LARP4: variants seen among roughly 807,000 people sequenced by gnomAD.
LARP4 encodes the protein la-related protein 4.
LARP4 carries 29 observed loss-of-function variants against 92.9 expected under a neutral mutation model. The ratio of observed to expected loss-of-function variants is 0.31; its 90% CI spans 0.23 to 0.43. LARP4 has a LOEUF of 0.43. Ranked by LOEUF, LARP4 falls within the 20% of genes least tolerant of loss-of-function variation. The pLI is 1.00. For synonymous variants in LARP4, 279 were observed against 284.1 expected (o/e 0.98, Z 0.18); for missense variants, 732 against 860.0 (o/e 0.85, Z 1.86).
chr12:50,456,182 C>G (rs939092842), intron 10 of LARP4, among the ~76,000 whole-genome samples: 1 of 152,066 alleles, frequency 6.6e-6, no homozygotes, highest in Non-Finnish European at 1.5e-5. Context: ...ACCTTTTATC[C>G]GTTGCATCTT....
rs751201783 is a variant in LARP4 at position 50,459,489 on chromosome 12, C to T, written c.1122-1646C>T. Among the ~76,000 whole-genome samples, 14 of 152,006 alleles carry T rather than the reference C, an allele frequency of 9.2e-5. No homozygotes were observed. The South Asian group carries it at 1.5e-3, about 16-fold the overall frequency. On this transcript the variant is annotated intron_variant, in intron 10 of 15. Coordinates refer to ENST00000398473, the MANE Select transcript of LARP4 (RefSeq NM_052879.5). ...ATAAAATGATTACTTTTTGCCCTTC[C>T]TTCGCCCCCGTTTTTACTCCCATTA... is the stretch of plus-strand genomic sequence containing the variant.
At chr12:50,407,472 A>G (rs1945071636) in intron 1 of LARP4, among the ~76,000 whole-genome samples, 1 of 152,222 alleles carries the variant, frequency 6.6e-6, no homozygotes, top group South Asian at 2.1e-4. Context: ...TGGAGAGTAT[A>G]CTTTTGGTTG....
intron 12 of LARP4, 126 bp from the exon 13 acceptor site, chr12:50,466,833 T>C (rs1956213708): frequency 1.3e-6 from 1 of 781,320 alleles, no homozygotes; most frequent in African/African-American, 1.7e-5. Context: ...TATGTAGGGA[T>C]ACAGTTCTGT....
intron 8 of LARP4, among the ~76,000 whole-genome samples, 166 bp downstream of exon 8, chr12:50,441,809 G>T (rs1480078936): frequency 2.6e-5 from 4 of 152,214 alleles, no homozygotes; most frequent in Non-Finnish European, 5.9e-5. Context: ...AGCACTTTGG[G>T]AGTCCAAGGC....
At chr12:50,428,791 A>G (rs1949202327) in intron 2 of LARP4, 144 bp from the exon 3 acceptor site, 1 of 598,762 alleles carries the variant, frequency 1.7e-6, no homozygotes, top group Non-Finnish European at 2.8e-6. Flanking sequence ...CCTCGGAATG[A>G]TAACTCTTGC....
At chr12:50,408,156 A>C (rs375817729) in intron 1 of LARP4, among the ~76,000 whole-genome samples, 2 of 122,084 alleles carry the variant, frequency 1.6e-5, no homozygotes, top group Admixed American at 1.7e-4. Context: ...TTGGGTTTGT[A>C]TGTACTGAGA....
chr12:50,452,533 A>G (rs1953404541), intron 8 of LARP4, among the ~76,000 whole-genome samples: 1 of 152,130 alleles, frequency 6.6e-6, no homozygotes, highest in Non-Finnish European at 1.5e-5. Context: ...TGGCTATACT[A>G]ATTTACCTTC....
At position 50,453,926 on chromosome 12, in the gene LARP4, C is replaced by CA. The variant is rs1953741722; in HGVS notation, c.1017+255dup. Among the ~76,000 whole-genome samples, 5 of 152,230 alleles carry CA rather than the reference C, an allele frequency of 3.3e-5. No individual in the cohort carries two copies. In the South Asian group the frequency reaches 1.0e-3, roughly 32 times the overall value. ...AGGATTACAAGCCACTATGCCCGGCCACTTTTTGGCTTTTAAACAGTGATA... is the reference window on the plus strand; with the variant it reads ...AGGATTACAAGCCACTATGCCCGGCCAACTTTTTGGCTTTTAAACAGTGATA... On this transcript the variant is annotated intron_variant, in intron 9 of 15. Coordinates refer to ENST00000398473, the MANE Select transcript of LARP4 (RefSeq NM_052879.5).
chr12:50,440,217 G>A (rs1189987021), intron 6 of LARP4, among the ~76,000 whole-genome samples: 4 of 152,130 alleles, frequency 2.6e-5, no homozygotes, highest in Admixed American at 6.6e-5. Flanking sequence ...CGGAAGGATC[G>A]CTTGCATCCG....
At chr12:50,473,829 G>T (rs1957229190) in intron 14 of LARP4, among the ~76,000 whole-genome samples, 170 bp from the exon 15 acceptor site, 1 of 101,674 alleles carries the variant, frequency 9.8e-6, no homozygotes, top group African/African-American at 3.7e-5. Flanking sequence ...GGGGTGGGGG[G>T]TGCGGGGCGG....
chr12:50,427,703 A>G (rs746585028), intron 1 of LARP4, 59 bp from the exon 2 acceptor site: 33 of 1,155,590 alleles, frequency 2.9e-5, no homozygotes, highest in Non-Finnish European at 3.7e-5. Flanking sequence ...TTTTATCTGA[A>G]TCTGTAATTT....
rs190596159 is a variant in LARP4 at position 50,404,008 on chromosome 12, C to T, written c.18+2980C>T. ...GGAGGCTGAGGTGGGTGGCAAATCA[C>T]CTGAGGTCAGGAGTTTGAGATCAGC... On this transcript the variant is annotated intron_variant, in intron 1 of 15. Transcript: ENST00000398473. Among the ~76,000 whole-genome samples, 464 of 152,196 alleles carry T rather than the reference C, an allele frequency of 3.0e-3. 4 individuals carry two copies. The highest frequency in any genetic ancestry group is 4.7e-3 in the Non-Finnish European group (318 of 68,018).
intron 1 of LARP4, among the ~76,000 whole-genome samples, chr12:50,407,200 AT>A (rs1945010497): frequency 6.6e-6 from 1 of 151,156 alleles, no homozygotes; most frequent in Non-Finnish European, 1.5e-5. Context: ...TATTTTTTGT[AT>A]TTTTAGTAGA....
At chr12:50,426,684 G>GGGGGGT (rs774548049) in intron 1 of LARP4, among the ~76,000 whole-genome samples, 27 of 86,170 alleles carry the variant, frequency 3.1e-4, no homozygotes, top group African/African-American at 9.0e-4. Context: ...TTATGTTTGG[G>GGGGGGT]GTGTGTGTGT....
At chr12:50,414,230 C>T (rs1217023698) in intron 1 of LARP4, among the ~76,000 whole-genome samples, 1 of 152,166 alleles carries the variant, frequency 6.6e-6, no homozygotes, top group Non-Finnish European at 1.5e-5. Context: ...GTTCGGCAAA[C>T]AATCTTGGTA....
intron 1 of LARP4, among the ~76,000 whole-genome samples, chr12:50,410,806 C>T (rs1945742991): frequency 6.6e-6 from 1 of 152,034 alleles, no homozygotes; most frequent in Admixed American, 6.6e-5. Context: ...TTCGTGACCC[C>T]CAAAAGGTTA....
In LARP4 at chr12:50,440,419, A is replaced by G. The variant is rs372174056; in HGVS notation, c.640-20A>G. The G allele has an allele frequency of 5.8e-6, 9 of 1,556,800 alleles. No individual in the cohort carries two copies. Among genetic ancestry groups the G allele is most frequent in the African/African-American group, 2.7e-5 (2 of 73,692 alleles). ...ATTGATGTATTTTTTAGAGTTAACT[A>G]ATTTTCTTTTTCTTTTTAGGAAGTG... On this transcript the variant is annotated intron_variant, in intron 6 of 15. Transcript: ENST00000398473.
At chr12:50,438,526 A>AC (rs1950758582) in intron 6 of LARP4, among the ~76,000 whole-genome samples, 1 of 152,074 alleles carries the variant, frequency 6.6e-6, no homozygotes, top group Non-Finnish European at 1.5e-5. Context: ...GGCAGGACTA[A>AC]CCCTATTGTT....
chr12:50,450,067 G>C (rs1334251484), intron 8 of LARP4, among the ~76,000 whole-genome samples: 3 of 151,650 alleles, frequency 2.0e-5, no homozygotes, highest in Non-Finnish European at 4.4e-5. Context: ...CCAAGTAGCT[G>C]GGACTACAGG....
Sources: allele counts gnomAD v4.1 joint callset (sites outside exome capture counted in the v4.1 genomes callset), GRCh38; gene constraint gnomAD v4.1.1; transcripts MANE v1.5; gene names NCBI Gene and HGNC (gene_info 2026-07-23, HGNC 2026-07-21).